SLC37A3: variants seen among roughly 807,000 people sequenced by gnomAD.
SLC37A3 encodes sugar phosphate exchanger 3.
In SLC37A3, 51 loss-of-function variants were observed where a neutral mutation model predicts 67.1. The ratio of observed to expected loss-of-function variants is 0.76; its 90% CI spans 0.61 to 0.96. SLC37A3 has a LOEUF of 0.96. Ranked by LOEUF, SLC37A3 falls within the 40% of genes least tolerant of loss-of-function variation. The pLI, the probability that SLC37A3 is intolerant of heterozygous loss-of-function variation, is 0.00. For synonymous variants in SLC37A3, 214 were observed against 231.4 expected, an observed-to-expected ratio of 0.92 and a Z score of 0.68; for missense variants, 508 against 603.0, an observed-to-expected ratio of 0.84 and a Z score of 1.65.
chr7:140,344,114 A>G (rs1186570815), intron 12 of SLC37A3: 1 of 158,346 alleles, frequency 6.3e-6, no homozygotes, highest in Non-Finnish European at 1.4e-5. Context: ...TCTCCCAAGC[A>G]TGATCTAAAG....
At chr7:140,373,568 T>C (rs1379623717) in intron 3 of SLC37A3, among the ~76,000 whole-genome samples, 1 of 152,162 alleles carries the variant, frequency 6.6e-6, no homozygotes, top group Non-Finnish European at 1.5e-5. Context: ...CAAAGACAAA[T>C]GAACATCCAC....
intron 11 of SLC37A3, 106 bp from the exon 12 acceptor site, chr7:140,345,369 T>G (rs748860228): frequency 1.5e-5 from 12 of 794,684 alleles, no homozygotes; most frequent in Admixed American, 6.7e-5. Flanking sequence ...CACAAATCAC[T>G]CCCAGAGACA....
chr7:140,361,677 T>C (rs1024141406), intron 5 of SLC37A3, among the ~76,000 whole-genome samples: 20 of 150,110 alleles, frequency 1.3e-4, no homozygotes, highest in African/African-American at 4.4e-4. Context: ...GCCTGCCGAG[T>C]GCCTGCGATT....
chr7:140,382,567 T>C lies in SLC37A3; in HGVS notation c.-41A>G, dbSNP rs780270878. 6.5e-7 allele frequency: 1 copy of C among 1,537,200 alleles called. No individual in the cohort carries two copies. The highest frequency in any genetic ancestry group is 1.7e-5 in the Admixed American group (1 of 58,698). ...CCTTCTCACCTTTGACCTTAAGGTTTGGATGAGTGATTTACATCATTTCTT... is the reference window on the plus strand; with the variant it reads ...CCTTCTCACCTTTGACCTTAAGGTTCGGATGAGTGATTTACATCATTTCTT... On this transcript the variant is annotated 5_prime_UTR_variant, in exon 2 of 15. Transcript: ENST00000326232.
At chr7:140,353,433 C>T (rs7784544) in intron 7 of SLC37A3, among the ~76,000 whole-genome samples, 19,930 of 151,154 alleles carry the variant, frequency 0.13, 1,585 homozygotes, top group South Asian at 0.24. Flanking sequence ...GCTGAGATCA[C>T]GCCATTGCAC....
chr7:140,341,996 G>C (rs1180903180), intron 13 of SLC37A3, among the ~76,000 whole-genome samples: 2 of 152,056 alleles, frequency 1.3e-5, no homozygotes, highest in African/African-American at 4.8e-5. Flanking sequence ...TTGCCCTTTA[G>C]TCTTATAATC....
intron 1 of SLC37A3, among the ~76,000 whole-genome samples, chr7:140,392,159 G>A (rs1312614147): frequency 6.6e-6 from 1 of 152,044 alleles, no homozygotes; most frequent in Non-Finnish European, 1.5e-5. Flanking sequence ...CATCTAAGCA[G>A]GAAGATAACT....
intron 10 of SLC37A3, 49 bp downstream of exon 10, chr7:140,348,577 T>A: frequency 6.4e-7 from 1 of 1,554,772 alleles, no homozygotes; most frequent in Admixed American, 2.2e-5. Flanking sequence ...CAGTAAAAGA[T>A]CACTAGTGAC....
At chr7:140,365,919 C>CTTTTTTTTTTT (rs71170981) in intron 4 of SLC37A3, among the ~76,000 whole-genome samples, 2 of 43,906 alleles carry the variant, frequency 4.6e-5, no homozygotes, top group African/African-American at 9.8e-5. Context: ...ACAATACATG[C>CTTTTTTTTTTT]TTTTTTTTTT....
intron 13 of SLC37A3, 96 bp downstream of exon 13, chr7:140,343,316 C>T: frequency 6.4e-7 from 1 of 1,558,716 alleles, no homozygotes; most frequent in Non-Finnish European, 8.8e-7. Flanking sequence ...TTCTACAGCA[C>T]AAGAGTGCCA....
chr7:140,351,234 A>T (rs1796781134), intron 9 of SLC37A3, 39 bp downstream of exon 9: 1 of 1,585,938 alleles, frequency 6.3e-7, no homozygotes, highest in African/African-American at 1.4e-5. Flanking sequence ...ACGGGCTCTC[A>T]TACCTCCCTG....
chr7:140,356,002 C>T (rs1797011328), intron 6 of SLC37A3, among the ~76,000 whole-genome samples: 1 of 152,096 alleles, frequency 6.6e-6, no homozygotes, highest in African/African-American at 2.4e-5. Context: ...CGAGACCAGC[C>T]TGACCAACAT....
chr7:140,381,126 G>C (rs1798234809), intron 2 of SLC37A3, among the ~76,000 whole-genome samples: 1 of 150,284 alleles, frequency 6.7e-6, no homozygotes. Context: ...TCGAACTCCT[G>C]ACCTCAGGTG....
intron 13 of SLC37A3, among the ~76,000 whole-genome samples, chr7:140,339,386 G>T (rs1199904892): frequency 6.7e-6 from 1 of 149,688 alleles, no homozygotes; most frequent in African/African-American, 2.5e-5. Flanking sequence ...TCAGCCTCCT[G>T]AGTAGCTGGG....
chr7:140,352,255 G>A, intron 7 of SLC37A3, 109 bp from the exon 8 acceptor site: 1 of 800,606 alleles, frequency 1.2e-6, no homozygotes, highest in Non-Finnish European at 2.0e-6. Context: ...AGGTGGGAAG[G>A]GAGACCGGGA....
intron 1 of SLC37A3, among the ~76,000 whole-genome samples, chr7:140,383,164 T>C (rs190146790): frequency 5.2e-4 from 79 of 152,160 alleles, no homozygotes; most frequent in Non-Finnish European, 6.9e-4. Flanking sequence ...GCTGCCCTTT[T>C]ATTCCTTTAC....
At chr7:140,337,428 T>C in intron 13 of SLC37A3, 79 bp from the exon 14 acceptor site, 1 of 1,168,500 alleles carries the variant, frequency 8.6e-7, no homozygotes, top group Non-Finnish European at 1.2e-6. Context: ...AGATTAAACA[T>C]GGCTATTTTA....
intron 1 of SLC37A3, among the ~76,000 whole-genome samples, chr7:140,388,540 T>C (rs985609036): frequency 1.6e-4 from 25 of 151,628 alleles, no homozygotes; most frequent in African/African-American, 5.8e-4. Context: ...TGGCCAGGCA[T>C]GGTGGCTCAC....
At chr7:140,352,988 C>T (rs1206349029) in intron 7 of SLC37A3, among the ~76,000 whole-genome samples, 1 of 152,006 alleles carries the variant, frequency 6.6e-6, no homozygotes, top group Non-Finnish European at 1.5e-5. Context: ...CTATACAATC[C>T]AGGTGTGAGG....
Sources: allele counts gnomAD v4.1 joint callset (sites outside exome capture counted in the v4.1 genomes callset), GRCh38; gene constraint gnomAD v4.1.1; transcripts MANE v1.5; gene names NCBI Gene and HGNC (gene_info 2026-07-23, HGNC 2026-07-21).